Variants in MRTFA observed in about 807,000 individuals in gnomAD.
MRTFA encodes myocardin-related transcription factor A.
A neutral mutation model predicts 83.5 loss-of-function variants in MRTFA; 20 were observed. The ratio of observed to expected loss-of-function variants is 0.24; its 90% confidence interval spans 0.17 to 0.35. The LOEUF is 0.35. MRTFA is among the 10% of genes least tolerant of loss of function. The pLI, the probability that MRTFA is intolerant of heterozygous loss-of-function variation, is 1.00. For synonymous variants in MRTFA, 659 were observed against 541.2 expected, an observed-to-expected ratio of 1.22 and a Z score of -3.02; for missense variants, 1,200 against 1,224.7, an observed-to-expected ratio of 0.98 and a Z score of 0.30.
intron 4 of MRTFA, among the ~76,000 whole-genome samples, chr22:40,456,736 T>C (rs2053592345): frequency 1.3e-5 from 2 of 152,182 alleles, no homozygotes; most frequent in African/African-American, 2.4e-5. Flanking sequence ...GCTCATTTTA[T>C]ATCTTTATTA....
At chr22:40,502,519 A>C (rs2054509542) in intron 3 of MRTFA, among the ~76,000 whole-genome samples, 1 of 135,990 alleles carries the variant, frequency 7.4e-6, no homozygotes, top group Non-Finnish European at 1.6e-5. Flanking sequence ...TGCGCTCCTC[A>C]CTTCCTAGAT....
intron 3 of MRTFA, among the ~76,000 whole-genome samples, chr22:40,507,540 T>C (rs2054599101): frequency 6.6e-6 from 1 of 151,476 alleles, no homozygotes; most frequent in Non-Finnish European, 1.5e-5. Context: ...GGGGATCACT[T>C]GAGCCTGTCA....
intron 2 of MRTFA, among the ~76,000 whole-genome samples, chr22:40,554,462 C>G (rs1363524996): frequency 6.6e-6 from 1 of 152,152 alleles, no homozygotes; most frequent in East Asian, 1.9e-4. Context: ...CTCACAAGAT[C>G]TGATGGTTTT....
rs144062235 is a variant in MRTFA, at chr22:40,476,808, C to T, written c.242-13522G>A. On this transcript the variant is annotated intron_variant, in intron 3 of 14. Transcript: ENST00000355630. ...AATTTTCTTCCTTCAACTTGTGAAA[C>T]CAGCCTGAATGGGTAAGCACAGTGT... 3.6e-4 allele frequency among the ~76,000 whole-genome samples: 55 copies of T among 152,184 alleles called. No homozygotes were observed. In the East Asian group the frequency reaches 3.9e-3, roughly 11 times the overall value.
At chr22:40,533,107 A>G (rs1447191198) in intron 3 of MRTFA, among the ~76,000 whole-genome samples, 1 of 152,178 alleles carries the variant, frequency 6.6e-6, no homozygotes, top group African/African-American at 2.4e-5. Flanking sequence ...TCCTAATCCT[A>G]TGTGTTATTA....
At chr22:40,464,197 A>G (rs2053770267) in intron 3 of MRTFA, among the ~76,000 whole-genome samples, 1 of 147,852 alleles carries the variant, frequency 6.8e-6, no homozygotes, top group African/African-American at 2.5e-5. Flanking sequence ...GCTACTCAGG[A>G]GGCTGAGGCA....
At chr22:40,415,685 C>T (rs765579853) in intron 14 of MRTFA, among the ~76,000 whole-genome samples, 2 of 152,066 alleles carry the variant, frequency 1.3e-5, no homozygotes, top group African/African-American at 4.8e-5. Context: ...CACAGACGCG[C>T]GCTATTTCCT....
rs547464524 is a variant in MRTFA at position 40,424,457 on chromosome 22, G to A, written c.602-76C>T. On this transcript the variant is annotated intron_variant, in intron 7 of 14. Transcript: ENST00000355630. ...GAGCAGGGACAGGCCTGGCTCGCAG[G>A]CCACAGGCAGAGTGCCTGGCCCACA... The A allele has an allele frequency of 2.7e-4, 399 of 1,495,044 alleles. 1 individual carries two copies. The highest frequency in any genetic ancestry group is 3.4e-4 in the Non-Finnish European group (379 of 1,102,778). 92.6% of individuals were successfully genotyped at this position (1,495,044 alleles called of 1,614,324 possible).
intron 3 of MRTFA, among the ~76,000 whole-genome samples, chr22:40,535,111 G>C (rs900349801): frequency 3.9e-5 from 6 of 152,134 alleles, no homozygotes; most frequent in Non-Finnish European, 7.4e-5. Context: ...GCAATGAGTA[G>C]CAGCCAGTGT....
At chr22:40,618,825 T>C (rs2147429198) in intron 1 of MRTFA, among the ~76,000 whole-genome samples, 1 of 152,122 alleles carries the variant, frequency 6.6e-6, no homozygotes, top group South Asian at 2.1e-4. Flanking sequence ...TAGCTGGGTG[T>C]GGTGGCTCAC....
At chr22:40,574,854 A>G (rs1293374490) in intron 2 of MRTFA, among the ~76,000 whole-genome samples, 2 of 152,222 alleles carry the variant, frequency 1.3e-5, no homozygotes, top group African/African-American at 2.4e-5. Flanking sequence ...TGGTACCCAC[A>G]GCAGGGGTAC....
chr22:40,555,908 G>A (rs943741839), intron 2 of MRTFA, among the ~76,000 whole-genome samples: 1 of 151,876 alleles, frequency 6.6e-6, no homozygotes, highest in Non-Finnish European at 1.5e-5. Context: ...CAAAGTGCTG[G>A]GATTACAGGC....
Position 40,420,869 on chromosome 22 carries a change from C to T in MRTFA, c.1159G>A (p.Ala387Thr). The change falls in exon 10 of 15, where the codon GCC becomes ACC. Residue 387 changes from alanine (A) to threonine (T), a missense_variant. By Grantham distance (58) the Ala-to-Thr change is moderately conservative. Transcript: ENST00000355630. ...TACTTTGGCGGGGCAGGCAGGATGG[C>T]CTGGTAGTTGTGGTGCTGCTGCTGC... The T allele has an allele frequency of 6.2e-7, 1 of 1,613,742 alleles. No homozygotes were observed. Among genetic ancestry groups the T allele is most frequent in the Non-Finnish European group, 8.5e-7 (1 of 1,179,946 alleles).
At chr22:40,450,291 G>A (rs1377784866) in intron 4 of MRTFA, among the ~76,000 whole-genome samples, 1 of 152,158 alleles carries the variant, frequency 6.6e-6, no homozygotes, top group Non-Finnish European at 1.5e-5. Flanking sequence ...GTACCAAAGG[G>A]TTATTATGAC....
chr22:40,557,661 T>A (rs1160775010), intron 2 of MRTFA, among the ~76,000 whole-genome samples: 1 of 151,872 alleles, frequency 6.6e-6, no homozygotes, highest in Non-Finnish European at 1.5e-5. Flanking sequence ...GGAAAAAAAG[T>A]GGTTAAAAGG....
intron 3 of MRTFA, among the ~76,000 whole-genome samples, chr22:40,537,238 TG>T (rs1354557475): frequency 8.2e-5 from 1 of 12,230 alleles, no homozygotes; most frequent in Non-Finnish European, 1.5e-4. Flanking sequence ...GGGAGGGAGG[TG>T]GGGGGGTCAG....
At chr22:40,516,422 GAAAAAAAAAAA>G (rs56745896) in intron 3 of MRTFA, among the ~76,000 whole-genome samples, 3 of 47,014 alleles carry the variant, frequency 6.4e-5, no homozygotes, top group African/African-American at 1.5e-4. Context: ...ACTGCCTCAA[GAAAAAAAAAAA>G]AAAAAAAAAA....
chr22:40,500,082 A>T (rs909737378), intron 3 of MRTFA, among the ~76,000 whole-genome samples: 1 of 151,510 alleles, frequency 6.6e-6, no homozygotes, highest in Non-Finnish European at 1.5e-5. Context: ...GGCGCTCACC[A>T]CTACACCCAG....
chr22:40,586,730 A>G (rs1303387484), intron 2 of MRTFA: 1 of 285,924 alleles, frequency 3.5e-6, no homozygotes, highest in African/African-American at 2.3e-5. Context: ...CCTCTGTGGT[A>G]GGTTTTTTTT....
Sources: gnomAD v4.1 joint callset for allele counts (sites outside exome capture counted in the v4.1 genomes callset) on GRCh38, gnomAD v4.1.1 for gene constraint, MANE v1.5 for transcripts, NCBI Gene and HGNC (gene_info 2026-07-23, HGNC 2026-07-21) for gene names.